Variants in UCHL5 observed in about 807,000 individuals in gnomAD.
The protein encoded by UCHL5 is ubiquitin carboxyl-terminal hydrolase isozyme L5.
In UCHL5, 34 loss-of-function variants were observed where a neutral mutation model predicts 53.8. The ratio of observed to expected loss-of-function variants is 0.63; its 90% CI spans 0.48 to 0.84. The LOEUF (loss-of-function observed/expected upper bound fraction) is 0.84. UCHL5 is among the 40% of genes least tolerant of loss of function. UCHL5 has a pLI of 0.00. For synonymous variants in UCHL5, 111 were observed against 126.3 expected, an observed-to-expected ratio of 0.88 and a Z score of 0.81; for missense variants, 290 against 385.6, an observed-to-expected ratio of 0.75 and a Z score of 2.08.
chr1:193,028,263 G>A (rs1466305076), intron 6 of UCHL5, 115 bp from the exon 7 acceptor site: 1 of 810,022 alleles, frequency 1.2e-6, no homozygotes, highest in Non-Finnish European at 1.8e-6. Flanking sequence ...ATTTAGAGCA[G>A]TAAAACTCTT....
rs573288312 is a variant in UCHL5 at position 193,014,115 on chromosome 1, A to G, written c.*2236T>C. The G allele has an allele frequency of 2.1e-4, 32 of 152,272 alleles. 1 individual carries two copies. The highest frequency in any genetic ancestry group is 1.7e-3 in the South Asian group (8 of 4,826). The allele number at this position is 152,272 out of a possible 1,614,324, so 9.4% of individuals were successfully genotyped here. ...TTCTATAAAATATCATTTAAAAAAA[A>G]CTTTCCAAATAGCATTTATCTATTT... On this transcript the variant is annotated 3_prime_UTR_variant, in exon 11 of 11. Coordinates refer to ENST00000367454, the MANE Select transcript of UCHL5 (RefSeq NM_001199261.3).
intron 7 of UCHL5, among the ~76,000 whole-genome samples, chr1:193,025,707 T>G (rs1302702823): frequency 2.0e-5 from 3 of 152,158 alleles, no homozygotes; most frequent in Non-Finnish European, 4.4e-5. Flanking sequence ...CAATTTACAT[T>G]TACCCTGTCA....
chr1:193,018,557 C>T (rs1557986325), intron 10 of UCHL5: 6 of 1,178,276 alleles, frequency 5.1e-6, no homozygotes, highest in Non-Finnish European at 6.3e-6. Flanking sequence ...AAAAGTCTCA[C>T]ATAACAAAAA....
chr1:193,020,888 C>G (rs1472165966), intron 10 of UCHL5, among the ~76,000 whole-genome samples: 1 of 149,680 alleles, frequency 6.7e-6, no homozygotes, highest in Non-Finnish European at 1.5e-5. Flanking sequence ...AATCTGGAAG[C>G]CTAAAGCAGT....
intron 1 of UCHL5, 94 bp from the exon 2 acceptor site, chr1:193,051,911 G>T: frequency 1.1e-6 from 1 of 887,498 alleles, no homozygotes; most frequent in South Asian, 1.7e-5. Flanking sequence ...TGCAACACAT[G>T]ACAAAACAAA....
intron 10 of UCHL5, chr1:193,018,714 C>T (rs1557987252): frequency 6.5e-6 from 9 of 1,388,756 alleles, no homozygotes; most frequent in Non-Finnish European, 3.8e-6. Context: ...TCAAAAATCT[C>T]ATCCTGTAGA....
intron 8 of UCHL5, among the ~76,000 whole-genome samples, chr1:193,023,411 T>TA (rs1657911910): frequency 6.6e-6 from 1 of 152,208 alleles, no homozygotes; most frequent in African/African-American, 2.4e-5. Flanking sequence ...AAGGTAATCA[T>TA]AGACTAGTAA....
intron 2 of UCHL5, 85 bp from the exon 3 acceptor site, chr1:193,049,936 C>T: frequency 8.7e-7 from 1 of 1,151,844 alleles, no homozygotes; most frequent in Non-Finnish European, 1.2e-6. Context: ...AGTCAGTTAT[C>T]TAACAAATAT....
chr1:193,059,354 C>G lies in UCHL5; in HGVS notation c.-94G>C, dbSNP rs1263206962. The G allele has an allele frequency of 1.9e-6, 3 of 1,606,118 alleles. No homozygotes were observed. Among genetic ancestry groups the G allele is most frequent in the South Asian group, 1.1e-5 (1 of 90,194 alleles). On this transcript the variant is annotated 5_prime_UTR_variant, in exon 1 of 11. Coordinates refer to ENST00000367454, the MANE Select transcript of UCHL5 (RefSeq NM_001199261.3). The surrounding 1 kb of genome is among the most constrained non-coding windows in gnomAD (Gnocchi z 4.9). ...CCACAGATCTCAGCAAACCCGCCGC[C>G]GAGCTCGTCAACCACACGTCACCCC...
At chr1:193,049,439 A>G (rs1364964185) in intron 3 of UCHL5, 2 of 192,566 alleles carry the variant, frequency 1.0e-5, no homozygotes, top group Non-Finnish European at 1.1e-5. Flanking sequence ...TCCTGGGCTC[A>G]AGGGATCCTC....
chr1:193,058,610 A>C (rs1671600798), intron 1 of UCHL5, among the ~76,000 whole-genome samples: 1 of 152,280 alleles, frequency 6.6e-6, no homozygotes, highest in Non-Finnish European at 1.5e-5. Context: ...ATGAGCAGAG[A>C]GCGGAACCAG....
intron 10 of UCHL5, among the ~76,000 whole-genome samples, chr1:193,017,529 C>T (rs375925892): frequency 4.0e-5 from 6 of 151,486 alleles, no homozygotes; most frequent in Admixed American, 6.6e-5. Flanking sequence ...ATATGTGTAT[C>T]GCATCTCATA....
chr1:193,016,643 TG>T (rs941973391), intron 10 of UCHL5, among the ~76,000 whole-genome samples: 2 of 151,838 alleles, frequency 1.3e-5, no homozygotes, highest in African/African-American at 4.8e-5. Context: ...GAAGGTGAAA[TG>T]AATTATTATA....
chr1:193,028,231 T>C, intron 6 of UCHL5, 83 bp from the exon 7 acceptor site: 2 of 1,204,566 alleles, frequency 1.7e-6, no homozygotes, highest in South Asian at 3.4e-5. Flanking sequence ...CCCAAAATAT[T>C]TTTTTACAAA....
At chr1:193,032,918 C>T (rs1358067856) in intron 3 of UCHL5, among the ~76,000 whole-genome samples, 1 of 152,174 alleles carries the variant, frequency 6.6e-6, no homozygotes, top group African/African-American at 2.4e-5. Context: ...AAAGCTTTTA[C>T]ATTGTTGGTG....
At chr1:193,024,253 A>AT (rs1318531325) in intron 7 of UCHL5, among the ~76,000 whole-genome samples, 4 of 151,866 alleles carry the variant, frequency 2.6e-5, no homozygotes, top group African/African-American at 9.7e-5. Flanking sequence ...TAAAAAAAAA[A>AT]ACAAAAAAAA....
chr1:193,049,563 T>C (rs1030856866), intron 3 of UCHL5, 183 bp downstream of exon 3: 2 of 435,336 alleles, frequency 4.6e-6, no homozygotes, highest in African/African-American at 4.0e-5. Flanking sequence ...TGATAGATAA[T>C]CCCAGAAACA....
At chr1:193,025,958 T>C (rs1013866042) in intron 7 of UCHL5, among the ~76,000 whole-genome samples, 2 of 151,862 alleles carry the variant, frequency 1.3e-5, no homozygotes, top group African/African-American at 4.8e-5. Context: ...AATGGAACAA[T>C]GGACAGACTA....
intron 3 of UCHL5, among the ~76,000 whole-genome samples, chr1:193,036,396 T>G (rs1231917920): frequency 7.9e-6 from 1 of 126,316 alleles, no homozygotes; most frequent in African/African-American, 3.0e-5. Context: ...GCAAAGACTA[T>G]AAAAACAGAC....
Sources: allele counts gnomAD v4.1 joint callset (sites outside exome capture counted in the v4.1 genomes callset), GRCh38; gene constraint gnomAD v4.1.1; non-coding constraint Gnocchi (gnomAD v3.1); transcripts MANE v1.5; gene names NCBI Gene and HGNC (gene_info 2026-07-23, HGNC 2026-07-21).